OR1L8: variants seen among roughly 807,000 people sequenced by gnomAD.
The protein encoded by OR1L8 is olfactory receptor 1L8.
For synonymous variants in OR1L8, 148 were observed against 147.0 expected, an observed-to-expected ratio of 1.01 and a Z score of -0.05; for missense variants, 330 against 377.4, an observed-to-expected ratio of 0.87 and a Z score of 1.04.
At chr9:122,581,581 A>G (rs1056030136) in intron 1 of OR1L8, among the ~76,000 whole-genome samples, 2 of 152,204 alleles carry the variant, frequency 1.3e-5, no homozygotes, top group African/African-American at 2.4e-5. Context: ...TAAGAAAAAT[A>G]AAATTTAGAA....
the OR1L8 span, among the ~76,000 whole-genome samples, chr9:122,558,015 T>G: frequency 6.6e-6 from 1 of 151,986 alleles, no homozygotes; most frequent in African/African-American, 2.4e-5. Flanking sequence ...ATGGTATTCC[T>G]TTATTATCCT....
At chr9:122,553,230 G>A in the OR1L8 span, 4 of 1,613,928 alleles carry the variant, frequency 2.5e-6, no homozygotes, top group South Asian at 1.1e-5. Context: ...ACCAGGCAGA[G>A]TGAACCAAAC....
intron 3 of OR1L8, among the ~76,000 whole-genome samples, 186 bp downstream of exon 3, chr9:122,576,580 C>G (rs891368201): frequency 2.0e-5 from 3 of 152,144 alleles, no homozygotes; most frequent in Non-Finnish European, 1.5e-5. Flanking sequence ...TAGGTTGTTT[C>G]CATATCTTGG....
chr9:122,554,605 G>GC, the OR1L8 span, among the ~76,000 whole-genome samples: 104 of 152,066 alleles, frequency 6.8e-4, no homozygotes, highest in Non-Finnish European at 2.1e-4. Flanking sequence ...TGAAAACTGT[G>GC]AATTAGGATG....
the OR1L8 span, chr9:122,553,715 C>T: frequency 6.2e-6 from 10 of 1,613,892 alleles, no homozygotes; most frequent in East Asian, 6.7e-5. Context: ...TGCTGACCCG[C>T]GTGGCTTTCT....
intron 2 of OR1L8, among the ~76,000 whole-genome samples, chr9:122,577,999 GA>G (rs1431652501): frequency 2.6e-5 from 4 of 152,186 alleles, no homozygotes; most frequent in African/African-American, 7.2e-5. Context: ...GCCAAGTGTG[GA>G]TGTGGTGAAA....
intron 4 of OR1L8, among the ~76,000 whole-genome samples, chr9:122,569,883 T>C (rs1452017197): frequency 6.8e-6 from 1 of 147,922 alleles, no homozygotes; most frequent in Non-Finnish European, 1.5e-5. Flanking sequence ...CCTGTGTCCA[T>C]GTGTTCTCAT....
chr9:122,557,385 A>G, the OR1L8 span, among the ~76,000 whole-genome samples: 1 of 152,140 alleles, frequency 6.6e-6, no homozygotes, highest in East Asian at 1.9e-4. Context: ...TTATCTCTCT[A>G]TTCCTAGTTT....
At chr9:122,566,561 A>G (rs142605072), downstream of OR1L8, among the ~76,000 whole-genome samples, 1 of 152,314 alleles carries the variant, frequency 6.6e-6, no homozygotes, top group African/African-American at 2.4e-5. Flanking sequence ...CATGCTGCAT[A>G]TAGTTACACT....
At chr9:122,581,390 AATATT>A (rs1221368016) in intron 1 of OR1L8, among the ~76,000 whole-genome samples, 1 of 151,988 alleles carries the variant, frequency 6.6e-6, no homozygotes, top group East Asian at 1.9e-4. Flanking sequence ...AAAAGTGACA[AATATT>A]ATATTATGAT....
At chr9:122,579,189 T>C (rs1045048428) in intron 1 of OR1L8, among the ~76,000 whole-genome samples, 2 of 152,046 alleles carry the variant, frequency 1.3e-5, no homozygotes, top group African/African-American at 4.8e-5. Flanking sequence ...TAATTGACTA[T>C]TGTGTGGACT....
In OR1L8 at chr9:122,568,209, T is replaced by G. The variant is rs1480231454; in HGVS notation, c.269A>C (p.Lys90Thr). 1.2e-6 allele frequency: 2 copies of G among 1,614,220 alleles called. No individual in the cohort carries two copies. Among genetic ancestry groups the G allele is most frequent in the Non-Finnish European group, 8.5e-7 (1 of 1,180,022 alleles). ...ACACCCAGCATAGGAGATGGTCTTC[T>G]TTTCTGACAGGAAGTTCATCAGCAT... The part of the protein sequence containing the change: ...PKMLMNFLSE[K>T]KTISYAGCLT... Residue 90 changes from lysine (K) to threonine (T), a missense_variant, in exon 5 of 5, where the codon AAG becomes ACG. Coordinates refer to ENST00000641027, the MANE Select transcript of OR1L8 (RefSeq NM_001004454.2).
the OR1L8 span, chr9:122,553,280 G>A: frequency 6.2e-7 from 1 of 1,613,710 alleles, no homozygotes; most frequent in Non-Finnish European, 8.5e-7. Context: ...TCTCTGAGTG[G>A]CCAGAGGAGC....
At chr9:122,575,913 G>A (rs1411435143) in intron 3 of OR1L8, among the ~76,000 whole-genome samples, 1 of 151,994 alleles carries the variant, frequency 6.6e-6, no homozygotes, top group Non-Finnish European at 1.5e-5. Context: ...CCTACCTGTA[G>A]TAACTATTGT....
At chr9:122,547,620 A>AGT in the OR1L8 span, among the ~76,000 whole-genome samples, 19,847 of 142,844 alleles carry the variant, frequency 0.14, 1,308 homozygotes, top group African/African-American at 0.19. Flanking sequence ...GTAGTAGTTC[A>AGT]GTGTGTGTGT....
rs761742940 is a variant in OR1L8 at position 122,568,194 on chromosome 9, T to A, written c.284A>T (p.Tyr95Phe). The A allele has an allele frequency of 9.3e-6, 15 of 1,614,046 alleles. No homozygotes were observed. The highest frequency in any genetic ancestry group is 1.2e-5 in the Non-Finnish European group (14 of 1,180,030). The change falls in exon 5 of 5, where the codon TAT becomes TTT. Residue 95 changes from tyrosine to phenylalanine, a missense_variant. Tyr to Phe is a conservative substitution (Grantham distance 22, BLOSUM62 3). Coordinates refer to ENST00000641027, the MANE Select transcript of OR1L8 (RefSeq NM_001004454.2). ...NFLSEKKTIS[Y>F]AGCLTQMYFL... Reference sequence around the variant, plus strand: ...ATACATCTGTGTCAGACACCCAGCATAGGAGATGGTCTTCTTTTCTGACAG... The same window carrying A: ...ATACATCTGTGTCAGACACCCAGCAAAGGAGATGGTCTTCTTTTCTGACAG...
chr9:122,567,893 G>A lies in OR1L8; in HGVS notation c.585C>T (p.Val195=), dbSNP rs141504175. The A allele has an allele frequency of 7.7e-5, 124 of 1,613,980 alleles. No homozygotes were observed. Among genetic ancestry groups the A allele is most frequent in the Non-Finnish European group, 9.5e-5 (112 of 1,179,900 alleles). Reference sequence around the variant, plus strand: ...CTTCTGTCATCTGCACAATTTCATTGACAAATATGGAAGAGCAGGACAATT... The same window carrying A: ...CTTCTGTCATCTGCACAATTTCATTAACAAATATGGAAGAGCAGGACAATT... ...VLKLSCSSIF[V]NEIVQMTEAP... The change falls in exon 5 of 5, where the codon GTC becomes GTT. Residue 195 remains valine (V), a synonymous_variant. Transcript: ENST00000641027.
chr9:122,546,651 A>G, the OR1L8 span, among the ~76,000 whole-genome samples: 6 of 152,324 alleles, frequency 3.9e-5, no homozygotes, highest in East Asian at 1.2e-3. Context: ...CACAATATAA[A>G]TGGCAGGTAA....
Position 122,574,285 on chromosome 9 carries a change from C to T in OR1L8, c.-341-1377G>A, listed in dbSNP as rs79690868. Among the ~76,000 whole-genome samples, 343 of 152,188 alleles carry T rather than the reference C, an allele frequency of 2.3e-3. 3 individuals are homozygous for T. Among genetic ancestry groups the T allele is most frequent in the African/African-American group, 7.7e-3 (320 of 41,520 alleles). ...ATCGGTATTGCATGGAATTTATACA[C>T]CGAATTCAGGAGAATTGACCTTTTG... On this transcript the variant is annotated intron_variant, in intron 3 of 4. Coordinates refer to ENST00000641027, the MANE Select transcript of OR1L8 (RefSeq NM_001004454.2).
Sources: allele counts gnomAD v4.1 joint callset (sites outside exome capture counted in the v4.1 genomes callset), GRCh38; gene constraint gnomAD v4.1.1; transcripts MANE v1.5; gene names NCBI Gene and HGNC (gene_info 2026-07-23, HGNC 2026-07-21).